GHR: variants seen among roughly 807,000 people sequenced by gnomAD.
GHR encodes GH receptor.
GHR carries 35 observed loss-of-function variants against 67.1 expected under a neutral mutation model. The observed-to-expected ratio is 0.52, with a 90% CI of 0.40 to 0.69. The LOEUF (loss-of-function observed/expected upper bound fraction) is 0.69. GHR is among the 30% of genes least tolerant of loss of function. The probability of loss-of-function intolerance (pLI) is 0.00; values close to 1 mark genes in which losing one functional copy is unlikely to be tolerated. For missense variants in GHR, 792 were observed against 764.6 expected, an observed-to-expected ratio of 1.04 and a Z score of -0.42; for synonymous variants, 272 against 269.1, an observed-to-expected ratio of 1.01 and a Z score of -0.10.
At chr5:42,605,018 C>T (rs1304342726) in intron 2 of GHR, among the ~76,000 whole-genome samples, 1 of 151,516 alleles carries the variant, frequency 6.6e-6, no homozygotes, top group African/African-American at 2.4e-5. Context: ...CCATCTCTCC[C>T]AGTCTTGTCA....
chr5:42,565,428 AT>A (rs1749869070), intron 1 of GHR: 1 of 982,460 alleles, frequency 1.0e-6, no homozygotes, highest in Non-Finnish European at 1.2e-6. Context: ...AAATGTTACT[AT>A]TACCATGATT....
At chr5:42,480,382 T>G (rs1745566607) in intron 1 of GHR, among the ~76,000 whole-genome samples, 1 of 152,018 alleles carries the variant, frequency 6.6e-6, no homozygotes, top group African/African-American at 2.4e-5. Flanking sequence ...GGGTGGAGAG[T>G]TCTGTAGATG....
chr5:42,475,832 A>G (rs1255650865), intron 1 of GHR, among the ~76,000 whole-genome samples: 1 of 152,082 alleles, frequency 6.6e-6, no homozygotes, highest in East Asian at 1.9e-4. Flanking sequence ...CCCCCTCTTT[A>G]GGGTTCATTT....
In GHR at chr5:42,646,415, G is replaced by A. The variant is rs954879342; in HGVS notation, c.136+17312G>A. The A allele has an allele frequency of 7.0e-5, 31 of 441,932 alleles. 1 individual carries two copies. In the Middle Eastern group the frequency reaches 1.6e-3, roughly 24 times the overall value. 27.4% of individuals were successfully genotyped at this position (441,932 alleles called of 1,614,324 possible). ...GAGGTTTTGGCATGAAAACTAATAC[G>A]GGTTAGTGTACATCACCCATAATAA... On this transcript the variant is annotated intron_variant, in intron 3 of 9. Transcript: ENST00000230882.
At chr5:42,604,775 T>C (rs1752543613) in intron 2 of GHR, among the ~76,000 whole-genome samples, 1 of 152,020 alleles carries the variant, frequency 6.6e-6, no homozygotes, top group Non-Finnish European at 1.5e-5. Context: ...TGTTTGGTAC[T>C]TTTTAATATT....
chr5:42,579,136 TAGATGATAGATAGATATAGA>T (rs1750983361), intron 2 of GHR, among the ~76,000 whole-genome samples: 2 of 67,736 alleles, frequency 3.0e-5, no homozygotes, highest in Non-Finnish European at 6.4e-5. Context: ...GATAGATAGA[TAGATGATAGATAGATATAGA>T]TAGATAGATA....
intron 1 of GHR, among the ~76,000 whole-genome samples, chr5:42,537,393 C>A (rs1036718330): frequency 1.3e-5 from 2 of 152,096 alleles, no homozygotes; most frequent in Non-Finnish European, 2.9e-5. Context: ...TTTTTAACTT[C>A]CATCTTGACT....
intron 1 of GHR, among the ~76,000 whole-genome samples, chr5:42,500,695 G>C (rs940791872): frequency 6.6e-6 from 1 of 152,160 alleles, no homozygotes; most frequent in African/African-American, 2.4e-5. Context: ...TGTGAAGACA[G>C]AGAACTCAAA....
At chr5:42,572,397 A>G (rs1045244903) in intron 2 of GHR, among the ~76,000 whole-genome samples, 9 of 152,204 alleles carry the variant, frequency 5.9e-5, no homozygotes, top group Non-Finnish European at 1.0e-4. Context: ...TGGATTGTTA[A>G]ATAATGCTGT....
intron 3 of GHR, among the ~76,000 whole-genome samples, chr5:42,656,948 T>A (rs1473388319): frequency 6.6e-6 from 1 of 152,164 alleles, no homozygotes; most frequent in African/African-American, 2.4e-5. Context: ...GATTCTTTTT[T>A]TCTGGTTTCT....
At chr5:42,582,534 G>C (rs970779632) in intron 2 of GHR, among the ~76,000 whole-genome samples, 2 of 152,204 alleles carry the variant, frequency 1.3e-5, no homozygotes, top group African/African-American at 4.8e-5. Context: ...TCACCTTCCA[G>C]TTGTCTGTGT....
intron 1 of GHR, among the ~76,000 whole-genome samples, chr5:42,459,984 C>A (rs566991071): frequency 5.3e-5 from 8 of 152,276 alleles, no homozygotes; most frequent in Non-Finnish European, 1.2e-4. Context: ...AAGCCCTAAC[C>A]TCCAATGTGG....
chr5:42,573,799 A>G (rs949580599), intron 2 of GHR, among the ~76,000 whole-genome samples: 13 of 152,214 alleles, frequency 8.5e-5, no homozygotes, highest in Non-Finnish European at 1.3e-4. Flanking sequence ...GTCAATTTAT[A>G]TTAATAAAAT....
intron 2 of GHR, among the ~76,000 whole-genome samples, chr5:42,620,935 T>C (rs1753411716): frequency 6.6e-6 from 1 of 152,136 alleles, no homozygotes; most frequent in Admixed American, 6.6e-5. Context: ...CAATATTCTG[T>C]TTGAATATCC....
intron 1 of GHR, among the ~76,000 whole-genome samples, chr5:42,429,531 C>T (rs910351833): frequency 2.0e-5 from 3 of 152,218 alleles, no homozygotes; most frequent in Non-Finnish European, 4.4e-5. Flanking sequence ...TTTCATTACG[C>T]TCTTGATTAA....
intron 3 of GHR, among the ~76,000 whole-genome samples, chr5:42,631,461 C>G (rs78634798): frequency 0.024 from 3,620 of 152,240 alleles, 135 homozygotes; most frequent in African/African-American, 0.08. Flanking sequence ...TCATCACGAG[C>G]CTCACATCCA....
chr5:42,691,214 C>A (rs951294700), intron 4 of GHR, among the ~76,000 whole-genome samples: 2 of 152,190 alleles, frequency 1.3e-5, no homozygotes, highest in Non-Finnish European at 2.9e-5. Context: ...AGAAAGATGT[C>A]TTAGATTTTG....
chr5:42,441,984 G>A (rs1463886459), intron 1 of GHR, among the ~76,000 whole-genome samples: 3 of 152,180 alleles, frequency 2.0e-5, no homozygotes, highest in Non-Finnish European at 4.4e-5. Flanking sequence ...GGAATTAGCT[G>A]GCCTTGGAGA....
chr5:42,686,236 A>G (rs1757133407), intron 3 of GHR, among the ~76,000 whole-genome samples: 1 of 152,172 alleles, frequency 6.6e-6, no homozygotes, highest in African/African-American at 2.4e-5. Flanking sequence ...AGGTTTGTCA[A>G]AGATCAAATG....
Sources: allele counts gnomAD v4.1 joint callset (sites outside exome capture counted in the v4.1 genomes callset), GRCh38; gene constraint gnomAD v4.1.1; transcripts MANE v1.5; gene names NCBI Gene and HGNC (gene_info 2026-07-23, HGNC 2026-07-21).